Variants in UBE2V2 observed in about 807,000 individuals in gnomAD.
The protein encoded by UBE2V2 is ubiquitin conjugating enzyme E2 V2, also known as ubiquitin-conjugating enzyme E2 variant 2.
UBE2V2 carries 9 observed loss-of-function variants against 17.2 expected under a neutral mutation model. The ratio of observed to expected loss-of-function variants is 0.52; its 90% confidence interval spans 0.32 to 0.91. The LOEUF (loss-of-function observed/expected upper bound fraction) is 0.91, where lower values mean the gene tolerates loss of function less well. UBE2V2 is among the 40% of genes least tolerant of loss of function. The probability of loss-of-function intolerance (pLI) is 0.04; values close to 1 mark genes in which losing one functional copy is unlikely to be tolerated. For synonymous variants in UBE2V2, 61 were observed against 57.5 expected (o/e 1.06, Z -0.28); for missense variants, 133 against 182.6 (o/e 0.73, Z 1.56).
At chr8:48,002,732 TTAGA>T in the UBE2V2 span, among the ~76,000 whole-genome samples, 8 of 152,242 alleles carry the variant, frequency 5.3e-5, no homozygotes, top group African/African-American at 1.9e-4. Flanking sequence ...AAAATGTCAG[TTAGA>T]TAGGAGGAAT....
chr8:48,007,672 C>T (rs2091193380), upstream of UBE2V2, among the ~76,000 whole-genome samples: 1 of 151,420 alleles, frequency 6.6e-6, no homozygotes, highest in South Asian at 2.1e-4. Flanking sequence ...GCCTCAGCCT[C>T]CCAAAGTGTT....
At chr8:48,048,322 A>G (rs2091514025) in intron 2 of UBE2V2, among the ~76,000 whole-genome samples, 1 of 152,244 alleles carries the variant, frequency 6.6e-6, no homozygotes, top group South Asian at 2.1e-4. Flanking sequence ...TGGATATACC[A>G]CAATGTGTTT....
chr8:48,031,849 T>G (rs1440364884), intron 1 of UBE2V2, among the ~76,000 whole-genome samples: 2 of 152,126 alleles, frequency 1.3e-5, no homozygotes, highest in African/African-American at 4.8e-5. Flanking sequence ...GGTTTCACCA[T>G]GTTATCCAGG....
intron 3 of UBE2V2, among the ~76,000 whole-genome samples, chr8:48,054,094 C>T (rs1254354601): frequency 6.6e-6 from 1 of 152,198 alleles, no homozygotes; most frequent in Non-Finnish European, 1.5e-5. Context: ...CAGGCTTGAG[C>T]CACCACGTCT....
At chr8:47,998,075 G>A in the UBE2V2 span, among the ~76,000 whole-genome samples, 33 of 152,138 alleles carry the variant, frequency 2.2e-4, no homozygotes, top group South Asian at 2.1e-4. Context: ...ACTTCCCATT[G>A]CGGTGACAAA....
intron 3 of UBE2V2, among the ~76,000 whole-genome samples, chr8:48,056,859 G>T (rs912730264): frequency 6.6e-6 from 1 of 152,024 alleles, no homozygotes; most frequent in Non-Finnish European, 1.5e-5. Context: ...AAGTAGCTGG[G>T]ATCACAGGCA....
chr8:48,018,099 A>G (rs1210624653), intron 1 of UBE2V2, among the ~76,000 whole-genome samples: 1 of 152,136 alleles, frequency 6.6e-6, no homozygotes, highest in Non-Finnish European at 1.5e-5. Flanking sequence ...GGCCTCCCAA[A>G]GTGCTGGGAT....
intron 1 of UBE2V2, among the ~76,000 whole-genome samples, chr8:48,027,327 A>G (rs1192268730): frequency 6.6e-6 from 1 of 152,076 alleles, no homozygotes; most frequent in Non-Finnish European, 1.5e-5. Context: ...TTATATTCCT[A>G]CCAGCAGTAT....
chr8:48,033,275 C>T (rs1030834530), intron 1 of UBE2V2, among the ~76,000 whole-genome samples: 1 of 151,964 alleles, frequency 6.6e-6, no homozygotes, highest in African/African-American at 2.4e-5. Context: ...CAACCTCTGC[C>T]TCCCAGGTTC....
intron 2 of UBE2V2, among the ~76,000 whole-genome samples, chr8:48,046,851 G>A (rs962841752): frequency 6.6e-6 from 1 of 151,494 alleles, no homozygotes; most frequent in Non-Finnish European, 1.5e-5. Flanking sequence ...CCCACCTGCC[G>A]TGGCCTCCCA....
intron 1 of UBE2V2, among the ~76,000 whole-genome samples, chr8:48,026,717 G>A (rs923786117): frequency 5.9e-5 from 9 of 152,160 alleles, no homozygotes; most frequent in Non-Finnish European, 1.3e-4. Flanking sequence ...ATGTTTTTAA[G>A]GGTCATCCAT....
At chr8:48,054,725 G>A (rs1351489530) in intron 3 of UBE2V2, among the ~76,000 whole-genome samples, 1 of 152,152 alleles carries the variant, frequency 6.6e-6, no homozygotes, top group East Asian at 1.9e-4. Flanking sequence ...TATTTAATAC[G>A]ACGAGGCAAA....
At chr8:47,998,933 C>T in the UBE2V2 span, among the ~76,000 whole-genome samples, 2 of 152,078 alleles carry the variant, frequency 1.3e-5, no homozygotes, top group Non-Finnish European at 1.5e-5. Context: ...TTGGTATGGC[C>T]GCATCCTGGG....
chr8:48,021,240 G>C (rs2154506994), intron 1 of UBE2V2, among the ~76,000 whole-genome samples: 1 of 150,894 alleles, frequency 6.6e-6, no homozygotes, highest in African/African-American at 2.4e-5. Flanking sequence ...ACCACGCCCA[G>C]CTAATTTTTT....
chr8:48,057,538 G>A (rs543690630), intron 3 of UBE2V2, among the ~76,000 whole-genome samples: 4 of 152,152 alleles, frequency 2.6e-5, no homozygotes, highest in Admixed American at 6.6e-5. Flanking sequence ...TCCGAACTTA[G>A]GTGATCTGCC....
At position 48,060,904 on chromosome 8, in the gene UBE2V2, C is replaced by A. The variant is rs1400426072; in HGVS notation, c.*76C>A. ...AATGTCTTGATTAAATATCACAATG[C>A]AAAATACACATTAAGTAAAAGAATT... On this transcript the variant is annotated 3_prime_UTR_variant, in exon 4 of 4. Transcript: ENST00000523111. 7.9e-6 allele frequency: 10 copies of A among 1,268,176 alleles called. No individual in the cohort carries two copies. The highest frequency in any genetic ancestry group is 5.2e-5 in the South Asian group (2 of 38,336). 78.6% of individuals were successfully genotyped at this position (1,268,176 alleles called of 1,614,324 possible). A position where few individuals can be genotyped will look rare whatever the true frequency, so the allele number is the denominator to read the frequency against.
chr8:48,023,359 G>A (rs960666533), intron 1 of UBE2V2, among the ~76,000 whole-genome samples: 3 of 151,776 alleles, frequency 2.0e-5, no homozygotes, highest in East Asian at 3.9e-4. Flanking sequence ...GTGACTACAC[G>A]CACGCACCAC....
At chr8:48,002,170 G>T in the UBE2V2 span, among the ~76,000 whole-genome samples, 2 of 152,038 alleles carry the variant, frequency 1.3e-5, no homozygotes, top group African/African-American at 4.8e-5. Flanking sequence ...ATTAAAGGTC[G>T]TACCTCTTAA....
In UBE2V2 at chr8:48,063,641, CTAAAG is replaced by C. The variant is rs1304233383; in HGVS notation, c.*2817_*2821del. On this transcript the variant is annotated 3_prime_UTR_variant, in exon 4 of 4. Transcript: ENST00000523111. Reference sequence around the variant, plus strand: ...TTTAAAAATATTTTTTTCTACCATTCTAAAGTAATGTCTTTTGTTGTGGGTTTATG... The same window carrying C: ...TTTAAAAATATTTTTTTCTACCATTCTAATGTCTTTTGTTGTGGGTTTATG... 6.6e-6 allele frequency: 1 copy of C among 152,044 alleles called. No individual in the cohort carries two copies. Among genetic ancestry groups the C allele is most frequent in the Non-Finnish European group, 1.5e-5 (1 of 67,990 alleles). 9.4% of individuals were successfully genotyped at this position (152,044 alleles called of 1,614,324 possible).
Sources: gnomAD v4.1 joint callset for allele counts (sites outside exome capture counted in the v4.1 genomes callset) on GRCh38, gnomAD v4.1.1 for gene constraint, MANE v1.5 for transcripts, NCBI Gene and HGNC (gene_info 2026-07-23, HGNC 2026-07-21) for gene names.